Variants in SUPT3H observed in about 807,000 individuals in gnomAD.
SUPT3H encodes the protein SPT3 homolog, SAGA and STAGA complex component.
SUPT3H carries 44 observed loss-of-function variants against 44.3 expected under a neutral mutation model. The ratio of observed to expected loss-of-function variants is 0.99; its 90% CI spans 0.78 to 1.28. The LOEUF is 1.28. Among genes scored for constraint, SUPT3H ranks in the 50% most tolerant of loss-of-function variants. The pLI, the probability that SUPT3H is intolerant of heterozygous loss-of-function variation, is 0.00. For missense variants in SUPT3H, 380 were observed against 387.1 expected, an observed-to-expected ratio of 0.98 and a Z score of 0.15; for synonymous variants, 124 against 125.6, an observed-to-expected ratio of 0.99 and a Z score of 0.09.
chr6:45,039,842 C>G (rs941464414), intron 3 of SUPT3H, among the ~76,000 whole-genome samples: 1 of 19,020 alleles, frequency 5.3e-5, no homozygotes, highest in African/African-American at 3.6e-4. Flanking sequence ...GACCTAATCA[C>G]AGCAAAAAAA....
At chr6:45,072,526 T>G (rs866071737) in intron 3 of SUPT3H, among the ~76,000 whole-genome samples, 17 of 152,282 alleles carry the variant, frequency 1.1e-4, no homozygotes, top group South Asian at 4.1e-4. Flanking sequence ...TGGCTTCAGA[T>G]AGTCTAAGAA....
At chr6:44,864,913 A>G (rs762146960) in intron 10 of SUPT3H, among the ~76,000 whole-genome samples, 2 of 152,148 alleles carry the variant, frequency 1.3e-5, no homozygotes, top group Non-Finnish European at 2.9e-5. Context: ...TTCTCCTCAT[A>G]TAATGGGATC....
At chr6:44,931,372 T>C (rs550582521) in intron 10 of SUPT3H, among the ~76,000 whole-genome samples, 12 of 152,166 alleles carry the variant, frequency 7.9e-5, no homozygotes, top group Non-Finnish European at 1.8e-4. Flanking sequence ...TCTTTCATTA[T>C]AAGTTTTTTT....
chr6:45,370,635 A>G (rs1272042928), intron 1 of SUPT3H, among the ~76,000 whole-genome samples: 1 of 152,220 alleles, frequency 6.6e-6, no homozygotes, highest in Non-Finnish European at 1.5e-5. Context: ...TTTATCTCAC[A>G]GGAATCCATA....
intron 10 of SUPT3H, among the ~76,000 whole-genome samples, chr6:44,927,785 T>C (rs1266026883): frequency 6.6e-6 from 1 of 152,230 alleles, no homozygotes; most frequent in Non-Finnish European, 1.5e-5. Flanking sequence ...AAACTATTAG[T>C]CCATAAACAA....
At chr6:45,154,973 G>A (rs920555616) in intron 2 of SUPT3H, among the ~76,000 whole-genome samples, 1 of 152,040 alleles carries the variant, frequency 6.6e-6, no homozygotes, top group Admixed American at 6.6e-5. Context: ...CGTGGAGAAG[G>A]TAGTGTTTGA....
intron 6 of SUPT3H, among the ~76,000 whole-genome samples, chr6:44,979,523 AGAAT>A (rs1353193338): frequency 3.3e-5 from 5 of 152,140 alleles, no homozygotes; most frequent in Non-Finnish European, 7.3e-5. Context: ...TATCTGTGAA[AGAAT>A]GAACAAAGTG....
At chr6:44,818,233 CTA>C (rs1414961863) in intron 11 of SUPT3H, among the ~76,000 whole-genome samples, 2 of 151,812 alleles carry the variant, frequency 1.3e-5, no homozygotes, top group African/African-American at 4.8e-5. Flanking sequence ...GGTATTGAAA[CTA>C]TCTGACATCC....
chr6:45,031,705 T>C (rs972175381), intron 3 of SUPT3H, among the ~76,000 whole-genome samples: 24 of 152,130 alleles, frequency 1.6e-4, no homozygotes, highest in African/African-American at 5.8e-4. Context: ...TTTGGTTCCA[T>C]AATTAAGCAC....
At chr6:45,275,814 T>A (rs960554008) in intron 2 of SUPT3H, among the ~76,000 whole-genome samples, 2 of 152,092 alleles carry the variant, frequency 1.3e-5, no homozygotes. Context: ...AATAAAAAGG[T>A]TTTAAAAATA....
At chr6:45,108,505 A>T (rs1177385310) in intron 2 of SUPT3H, among the ~76,000 whole-genome samples, 1 of 152,192 alleles carries the variant, frequency 6.6e-6, no homozygotes, top group Non-Finnish European at 1.5e-5. Flanking sequence ...ACTTTGACTA[A>T]CATAGCCAGG....
chr6:44,985,620 T>G (rs1779690152), intron 6 of SUPT3H, among the ~76,000 whole-genome samples: 1 of 152,038 alleles, frequency 6.6e-6, no homozygotes, highest in African/African-American at 2.4e-5. Context: ...TTTAAGAAAA[T>G]TTTGTCCTCT....
At chr6:45,185,157 G>T (rs1218277968) in intron 2 of SUPT3H, among the ~76,000 whole-genome samples, 1 of 152,156 alleles carries the variant, frequency 6.6e-6, no homozygotes, top group South Asian at 2.1e-4. Context: ...TGTCTACAGG[G>T]TGCAGCAGCA....
chr6:44,898,850 A>G (rs938932543), intron 10 of SUPT3H: 2 of 152,258 alleles, frequency 1.3e-5, no homozygotes, highest in African/African-American at 4.8e-5. Context: ...CTGCTCCATG[A>G]CTACCCCGAC....
chr6:44,809,361 A>C (rs1766360511), exon 12 of SUPT3H: 1 of 152,252 alleles, frequency 6.6e-6, no homozygotes, highest in African/African-American at 2.4e-5. Flanking sequence ...TTCATTGTTC[A>C]AGTATATTGA....
At chr6:45,017,821 C>T (rs1390234190) in intron 4 of SUPT3H, among the ~76,000 whole-genome samples, 7 of 140,886 alleles carry the variant, frequency 5.0e-5, no homozygotes, top group East Asian at 2.0e-4. Flanking sequence ...ATTGACTTGG[C>T]GATGTGGGCT....
chr6:45,164,056 C>A (rs1052387405), intron 2 of SUPT3H, among the ~76,000 whole-genome samples: 2 of 152,136 alleles, frequency 1.3e-5, no homozygotes, highest in African/African-American at 4.8e-5. Flanking sequence ...GTAGCTGATA[C>A]ACATATTCCC....
chr6:44,962,126 T>C (rs1776117545), intron 6 of SUPT3H, among the ~76,000 whole-genome samples: 1 of 152,108 alleles, frequency 6.6e-6, no homozygotes, highest in Non-Finnish European at 1.5e-5. Context: ...AAAAAGAAAA[T>C]GATGAGGGAA....
intron 9 of SUPT3H, among the ~76,000 whole-genome samples, chr6:44,952,639 C>T (rs1490910248): frequency 1.3e-5 from 2 of 152,068 alleles, no homozygotes; most frequent in Non-Finnish European, 2.9e-5. Flanking sequence ...TGAAAAGGGT[C>T]GAATATTGGC....
Sources: allele counts gnomAD v4.1 joint callset (sites outside exome capture counted in the v4.1 genomes callset), GRCh38; gene constraint gnomAD v4.1.1; transcripts MANE v1.5; gene names NCBI Gene and HGNC (gene_info 2026-07-23, HGNC 2026-07-21).